GRK5: variants seen among roughly 807,000 people sequenced by gnomAD.
The protein encoded by GRK5 is g protein-coupled receptor kinase GRK5.
GRK5 carries 40 observed loss-of-function variants against 78.4 expected under a neutral mutation model. The observed-to-expected ratio is 0.51, with a 90% CI of 0.40 to 0.66. The LOEUF is 0.66. GRK5 is among the 30% of genes least tolerant of loss of function. The pLI, the probability that GRK5 is intolerant of heterozygous loss-of-function variation, is 0.00. For synonymous variants in GRK5, 289 were observed against 296.8 expected (o/e 0.97, Z 0.27); for missense variants, 598 against 759.9 (o/e 0.79, Z 2.50).
chr10:119,416,330 G>A (rs1044978766), intron 4 of GRK5, among the ~76,000 whole-genome samples: 6 of 152,240 alleles, frequency 3.9e-5, no homozygotes, highest in Non-Finnish European at 8.8e-5. Flanking sequence ...CGCCATCCTC[G>A]GGGCTGATAA....
Position 119,271,102 on chromosome 10 carries a change from C to T in GRK5, c.53-55414C>T, listed in dbSNP as rs1296127826. Among the ~76,000 whole-genome samples, 3 of 152,220 alleles carry T rather than the reference C, an allele frequency of 2.0e-5. No homozygotes were observed. Among genetic ancestry groups the T allele is most frequent in the East Asian group, 1.9e-4 (1 of 5,200 alleles). The stretch of plus-strand genomic sequence containing the variant: ...GTGACTGAATAGCAGACCGGGCTTT[C>T]GTAAGTAAGCTCACACTGTCAGATA... On this transcript the variant is annotated intron_variant, in intron 1 of 15. Coordinates refer to ENST00000392870, the MANE Select transcript of GRK5 (RefSeq NM_005308.3). This position sits in a 1 kb window ranked among gnomAD's most constrained non-coding sequence, Gnocchi z 4.1.
chr10:119,370,015 AGCT>A (rs2133819374), intron 2 of GRK5, among the ~76,000 whole-genome samples: 1 of 152,136 alleles, frequency 6.6e-6, no homozygotes, highest in South Asian at 2.1e-4. Flanking sequence ...GGACTCTGGC[AGCT>A]CCATTACTGC....
At chr10:119,366,100 C>T (rs1851444739) in intron 2 of GRK5, among the ~76,000 whole-genome samples, 1 of 152,224 alleles carries the variant, frequency 6.6e-6, no homozygotes, top group Non-Finnish European at 1.5e-5. Context: ...TAAGGACTTG[C>T]CCTGGTGTAG....
chr10:119,455,564 A>T lies in GRK5; in HGVS notation c.*497A>T. On this transcript the variant is annotated 3_prime_UTR_variant, in exon 16 of 16. Coordinates refer to ENST00000392870, the MANE Select transcript of GRK5 (RefSeq NM_005308.3). ...CAAAAAAAAAAAAATGTGACTCAAG[A>T]CTTCCAGAGCCTCAAATGAGAAAAT... The T allele has an allele frequency of 3.4e-6, 1 of 295,490 alleles. No homozygotes were observed. 18.3% of individuals were successfully genotyped at this position (295,490 alleles called of 1,614,324 possible).
intron 1 of GRK5, among the ~76,000 whole-genome samples, chr10:119,318,927 C>T (rs1030638183): frequency 1.3e-5 from 2 of 152,132 alleles, no homozygotes; most frequent in Non-Finnish European, 2.9e-5. Context: ...TACCGTTATT[C>T]TTCCCTGGGT....
chr10:119,294,211 G>A (rs772904380), intron 1 of GRK5, among the ~76,000 whole-genome samples: 4 of 152,158 alleles, frequency 2.6e-5, no homozygotes, highest in Non-Finnish European at 5.9e-5. Flanking sequence ...TCTGCCACTC[G>A]AGCATATTTC....
At chr10:119,410,056 C>T (rs886193989) in intron 4 of GRK5, among the ~76,000 whole-genome samples, 4 of 152,270 alleles carry the variant, frequency 2.6e-5, no homozygotes, top group Non-Finnish European at 4.4e-5. Context: ...CCCGCGTGCG[C>T]GGCCTGTGTA....
chr10:119,394,767 C>G (rs1474274673), intron 3 of GRK5, among the ~76,000 whole-genome samples: 6 of 89,262 alleles, frequency 6.7e-5, no homozygotes, highest in Admixed American at 2.2e-4. Flanking sequence ...GGGTGTGTAT[C>G]TGTGTGTGTG....
intron 1 of GRK5, among the ~76,000 whole-genome samples, chr10:119,285,283 G>A (rs1849829481): frequency 6.6e-6 from 1 of 152,092 alleles, no homozygotes; most frequent in Non-Finnish European, 1.5e-5. Context: ...TAATGAAAGA[G>A]GTTAAAGAAA....
At chr10:119,447,103 G>A (rs183618810) in intron 12 of GRK5, among the ~76,000 whole-genome samples, 17 of 152,306 alleles carry the variant, frequency 1.1e-4, no homozygotes, top group African/African-American at 3.1e-4. Context: ...GTCAGGGGCC[G>A]GGGCCCTGTG....
intron 2 of GRK5, among the ~76,000 whole-genome samples, chr10:119,363,982 C>T (rs1185697801): frequency 6.6e-6 from 1 of 152,164 alleles, no homozygotes; most frequent in Non-Finnish European, 1.5e-5. Context: ...CACGCCTCTC[C>T]CTCTTCACTA....
intron 15 of GRK5, 73 bp from the exon 16 acceptor site, chr10:119,454,896 C>A: frequency 2.0e-6 from 2 of 983,784 alleles, no homozygotes; most frequent in Non-Finnish European, 3.3e-6. Flanking sequence ...CAGAGGCAGC[C>A]CCGACCCATC....
intron 10 of GRK5, among the ~76,000 whole-genome samples, chr10:119,440,045 G>A (rs1451651107): frequency 6.6e-6 from 1 of 152,168 alleles, no homozygotes; most frequent in East Asian, 1.9e-4. Context: ...GCCGGGCGTG[G>A]TCTCTACAGT....
In GRK5 at chr10:119,445,325, T is replaced by C. The variant is rs1853121921; in HGVS notation, c.1266+1573T>C. Among the ~76,000 whole-genome samples, 1 of 152,010 alleles carries C rather than the reference T, an allele frequency of 6.6e-6. No homozygotes were observed. The highest frequency in any genetic ancestry group is 1.5e-5 in the Non-Finnish European group (1 of 67,996). ...GCCGTGGGCAGAGCATCACCAAATG[T>C]CCCAGGTCAGGGCCAGGCAATCAGA... On this transcript the variant is annotated intron_variant, in intron 12 of 15. Coordinates refer to ENST00000392870, the MANE Select transcript of GRK5 (RefSeq NM_005308.3). This position sits in a 1 kb window ranked among gnomAD's most constrained non-coding sequence, Gnocchi z 4.1.
rs1359590969 is a variant in GRK5, at chr10:119,455,754, C to T, written c.*687C>T. ...AGACACACGTGGGACTTCCCCCTCC[C>T]AGCCAGAATGTCCTCTCCTGGGGCC... On this transcript the variant is annotated 3_prime_UTR_variant, in exon 16 of 16. Transcript: ENST00000392870. The T allele has an allele frequency of 5.2e-6, 1 of 192,156 alleles. No individual in the cohort carries two copies. Among genetic ancestry groups the T allele is most frequent in the African/African-American group, 2.4e-5 (1 of 41,672 alleles). The allele number at this position is 192,156 out of a possible 1,614,324, so 11.9% of individuals were successfully genotyped here.
Position 119,394,880 on chromosome 10 carries a change from C to T in GRK5, c.262-1815C>T, listed in dbSNP as rs1030982713. On this transcript the variant is annotated intron_variant, in intron 3 of 15. Coordinates refer to ENST00000392870, the MANE Select transcript of GRK5 (RefSeq NM_005308.3). ...ACATGTGCACTCAGGTTTAGGAGAG[C>T]GACAGGGGGCACAGAGGAAGAAAAT... Among the ~76,000 whole-genome samples the T allele has an allele frequency of 5.3e-5, 8 of 149,844 alleles. 2 individuals are homozygous for T. In the East Asian group the frequency reaches 8.2e-4, roughly 15 times the overall value.
intron 4 of GRK5, among the ~76,000 whole-genome samples, chr10:119,400,490 A>G (rs1852132137): frequency 6.6e-6 from 1 of 152,108 alleles, no homozygotes; most frequent in South Asian, 2.1e-4. Context: ...GCCGTTGAAC[A>G]TTCTAGAGTG....
At chr10:119,325,368 A>C (rs1330027681) in intron 1 of GRK5, among the ~76,000 whole-genome samples, 1 of 151,986 alleles carries the variant, frequency 6.6e-6, no homozygotes, top group Non-Finnish European at 1.5e-5. Context: ...TGGCTGGGAG[A>C]GGGCTGGAGC....
chr10:119,360,497 A>AGGGAGGAGCCTTGTGAGT (rs1275251280), intron 2 of GRK5, among the ~76,000 whole-genome samples: 1 of 120,570 alleles, frequency 8.3e-6, no homozygotes, highest in Admixed American at 8.0e-5. Context: ...CCTGTGCGAG[A>AGGGAGGAGCCTTGTGAGT]GGGAGGAGCC....
Sources: gnomAD v4.1 joint callset for allele counts (sites outside exome capture counted in the v4.1 genomes callset) on GRCh38, gnomAD v4.1.1 for gene constraint, Gnocchi (gnomAD v3.1) non-coding constraint, MANE v1.5 for transcripts, NCBI Gene and HGNC (gene_info 2026-07-23, HGNC 2026-07-21) for gene names.